Variants in LPAR1 observed in about 807,000 individuals in gnomAD.
The protein encoded by LPAR1 is lysophosphatidic acid receptor 1.
LPAR1 carries 5 observed loss-of-function variants against 23.8 expected under a neutral mutation model. That is an observed-to-expected ratio of 0.21 (90% CI 0.11 to 0.44). The LOEUF (loss-of-function observed/expected upper bound fraction) is 0.44, where lower values mean the gene tolerates loss of function less well. LPAR1 is among the 20% of genes least tolerant of loss of function. LPAR1 has a pLI of 0.99. For synonymous variants in LPAR1, 160 were observed against 164.7 expected (o/e 0.97, Z 0.22); for missense variants, 311 against 482.8 (o/e 0.64, Z 3.33).
At chr9:110,964,779 T>C (rs1297813971) in intron 4 of LPAR1, among the ~76,000 whole-genome samples, 4 of 151,844 alleles carry the variant, frequency 2.6e-5, no homozygotes, top group Non-Finnish European at 4.4e-5. Flanking sequence ...AATACATATT[T>C]TGTTGAGAGT....
chr9:110,911,425 C>T (rs2092415790), intron 5 of LPAR1, among the ~76,000 whole-genome samples: 1 of 151,956 alleles, frequency 6.6e-6, no homozygotes, highest in Non-Finnish European at 1.5e-5. Context: ...CACCTGTGGC[C>T]CAGCTACTTG....
chr9:111,015,791 T>C (rs1379867611), intron 2 of LPAR1, among the ~76,000 whole-genome samples: 1 of 151,926 alleles, frequency 6.6e-6, no homozygotes, highest in Admixed American at 6.6e-5. Flanking sequence ...TAAAAAGCTA[T>C]TCTAGTCCCT....
chr9:110,949,401 T>C (rs2095498034), intron 4 of LPAR1, among the ~76,000 whole-genome samples: 1 of 152,236 alleles, frequency 6.6e-6, no homozygotes, highest in South Asian at 2.1e-4. Context: ...TCCACTTCTA[T>C]TGGTTCAAGA....
intron 5 of LPAR1, among the ~76,000 whole-genome samples, chr9:110,918,051 C>A (rs1038227658): frequency 3.3e-5 from 5 of 152,030 alleles, no homozygotes; most frequent in African/African-American, 1.2e-4. Context: ...AAGAGGCATG[C>A]ACCACCATGC....
At chr9:110,884,931 T>C (rs2081953454) in intron 5 of LPAR1, among the ~76,000 whole-genome samples, 1 of 152,202 alleles carries the variant, frequency 6.6e-6, no homozygotes, top group Admixed American at 6.5e-5. Context: ...TACTTTTTAT[T>C]TGGTATCCTG....
chr9:110,988,840 T>C (rs376892673), intron 2 of LPAR1, among the ~76,000 whole-genome samples: 2 of 152,236 alleles, frequency 1.3e-5, no homozygotes, highest in African/African-American at 4.8e-5. Flanking sequence ...CCAAGAATAT[T>C]CATAGAAGCA....
chr9:110,981,335 G>A (rs1384133422), intron 2 of LPAR1, among the ~76,000 whole-genome samples: 1 of 151,916 alleles, frequency 6.6e-6, no homozygotes, highest in African/African-American at 2.4e-5. Context: ...TATGACCTTG[G>A]GCAGGTTATG....
At chr9:110,901,104 TAC>T (rs1475153775) in intron 5 of LPAR1, among the ~76,000 whole-genome samples, 1 of 152,218 alleles carries the variant, frequency 6.6e-6, no homozygotes, top group Non-Finnish European at 1.5e-5. Context: ...CATTTACACT[TAC>T]AGTTTCTTTC....
At chr9:110,966,687 G>A (rs552796687) in intron 4 of LPAR1, among the ~76,000 whole-genome samples, 2 of 152,122 alleles carry the variant, frequency 1.3e-5, no homozygotes, top group Admixed American at 1.3e-4. Context: ...TAACAAATGA[G>A]AGACAGAATG....
chr9:111,031,971 C>A (rs2097802980), intron 2 of LPAR1, among the ~76,000 whole-genome samples: 1 of 152,144 alleles, frequency 6.6e-6, no homozygotes, highest in South Asian at 2.1e-4. Flanking sequence ...AAAAGAACTT[C>A]TCTTACTAAT....
intron 2 of LPAR1, among the ~76,000 whole-genome samples, chr9:110,994,305 T>C (rs2096953921): frequency 6.6e-6 from 1 of 152,136 alleles, no homozygotes; most frequent in East Asian, 1.9e-4. Context: ...TTAGAAACTA[T>C]TCCATAATAA....
intron 4 of LPAR1, among the ~76,000 whole-genome samples, chr9:110,963,688 C>G (rs2096086097): frequency 6.6e-6 from 1 of 152,040 alleles, no homozygotes; most frequent in Non-Finnish European, 1.5e-5. Context: ...AAAAGAACTT[C>G]CAGACTAATC....
chr9:111,024,409 TTATA>T (rs1056361011), intron 2 of LPAR1, among the ~76,000 whole-genome samples: 4 of 147,670 alleles, frequency 2.7e-5, no homozygotes, highest in African/African-American at 9.8e-5. Context: ...ACACACATAT[TTATA>T]TATATATTTA....
At chr9:110,948,089 T>A (rs540438831) in intron 4 of LPAR1, among the ~76,000 whole-genome samples, 1 of 152,242 alleles carries the variant, frequency 6.6e-6, no homozygotes, top group Non-Finnish European at 1.5e-5. Flanking sequence ...TGAATCTCAA[T>A]TGTCTCATTT....
At chr9:110,963,672 A>G (rs578188671) in intron 4 of LPAR1, among the ~76,000 whole-genome samples, 2 of 150,072 alleles carry the variant, frequency 1.3e-5, no homozygotes, top group African/African-American at 4.9e-5. Flanking sequence ...AATAAAATTT[A>G]AAAAAAAAAG....
At chr9:110,887,213 A>T (rs2082643425) in intron 5 of LPAR1, among the ~76,000 whole-genome samples, 1 of 152,178 alleles carries the variant, frequency 6.6e-6, no homozygotes, top group Admixed American at 6.5e-5. Context: ...AACTTCAAGG[A>T]TAGAGAAACG....
At chr9:111,010,654 T>A (rs10759480) in intron 2 of LPAR1, among the ~76,000 whole-genome samples, 45,787 of 152,040 alleles carry the variant, frequency 0.3, 8,346 homozygotes, top group Non-Finnish European at 0.4. Flanking sequence ...TCAGACAATT[T>A]TTTTTGGTAC....
chr9:110,893,119 TAATA>T (rs1212945750), intron 5 of LPAR1, among the ~76,000 whole-genome samples: 1 of 152,186 alleles, frequency 6.6e-6, no homozygotes, highest in Admixed American at 6.5e-5. Context: ...GACATAATGG[TAATA>T]AATAAATGGA....
At chr9:110,876,527 G>A (rs1045179532) in intron 5 of LPAR1, among the ~76,000 whole-genome samples, 2 of 152,158 alleles carry the variant, frequency 1.3e-5, no homozygotes, top group Non-Finnish European at 2.9e-5. Context: ...TGAAGGAACT[G>A]AGACCCAGAA....
Sources: gnomAD v4.1 joint callset for allele counts (sites outside exome capture counted in the v4.1 genomes callset) on GRCh38, gnomAD v4.1.1 for gene constraint, MANE v1.5 for transcripts, NCBI Gene and HGNC (gene_info 2026-07-23, HGNC 2026-07-21) for gene names.